MED15: variants seen among roughly 807,000 people sequenced by gnomAD.
MED15 encodes mediator of RNA polymerase II transcription subunit 15.
MED15 carries 41 observed loss-of-function variants against 118.7 expected under a neutral mutation model. The ratio of observed to expected loss-of-function variants is 0.35; its 90% CI spans 0.27 to 0.45. The LOEUF (loss-of-function observed/expected upper bound fraction) is 0.45, where lower values mean the gene tolerates loss of function less well. MED15 is among the 20% of genes least tolerant of loss of function. The pLI, the probability that MED15 is intolerant of heterozygous loss-of-function variation, is 1.00. For synonymous variants in MED15, 436 were observed against 413.9 expected (o/e 1.05, Z -0.65); for missense variants, 740 against 1,025.5 (o/e 0.72, Z 3.80).
chr22:20,566,395 A>G, intron 6 of MED15, 72 bp from the exon 7 acceptor site: 13 of 1,582,406 alleles, frequency 8.2e-6, no homozygotes, highest in South Asian at 8.0e-5. Context: ...TGAGGCCCAG[A>G]CTGTCACAGG....
intron 1 of MED15, among the ~76,000 whole-genome samples, chr22:20,530,458 A>G (rs1601490879): frequency 1.3e-5 from 2 of 152,114 alleles, no homozygotes; most frequent in South Asian, 4.1e-4. Context: ...CCAGGGAGGA[A>G]CGCACCTTCC....
intron 1 of MED15, among the ~76,000 whole-genome samples, chr22:20,529,090 C>T (rs79052816): frequency 0.036 from 5,541 of 152,234 alleles, 305 homozygotes; most frequent in African/African-American, 0.13. Context: ...TGTACGTTAC[C>T]ACTGGGCCAT....
At chr22:20,555,199 C>T (rs2055946712) in intron 5 of MED15, 51 bp downstream of exon 5, 5 of 1,473,120 alleles carry the variant, frequency 3.4e-6, no homozygotes, top group South Asian at 2.5e-5. Context: ...CAAACGACAA[C>T]ACATTTTATT....
At chr22:20,570,822 GT>G (rs1222775927) in intron 8 of MED15, among the ~76,000 whole-genome samples, 1 of 126,604 alleles carries the variant, frequency 7.9e-6, no homozygotes, top group East Asian at 2.8e-4. Flanking sequence ...CTGGAGTGCA[GT>G]GGTGCAATCT....
At chr22:20,514,841 G>T (rs1026045932) in intron 1 of MED15, among the ~76,000 whole-genome samples, 1 of 152,228 alleles carries the variant, frequency 6.6e-6, no homozygotes, top group Non-Finnish European at 1.5e-5. Context: ...CAGTGAGTCA[G>T]CCTTGGCGGA....
chr22:20,571,378 C>A (rs1656951164), intron 8 of MED15, among the ~76,000 whole-genome samples: 1 of 152,230 alleles, frequency 6.6e-6, no homozygotes, highest in Admixed American at 6.5e-5. Flanking sequence ...TGGTTCGTTG[C>A]TGAGTGAGTT....
intron 4 of MED15, among the ~76,000 whole-genome samples, chr22:20,553,920 T>C (rs1601564279): frequency 6.6e-6 from 1 of 152,214 alleles, no homozygotes; most frequent in African/African-American, 2.4e-5. Context: ...GTTTATCACA[T>C]GAGGGGAATT....
At chr22:20,515,767 AGAGT>A (rs1056575357) in intron 1 of MED15, among the ~76,000 whole-genome samples, 1 of 151,556 alleles carries the variant, frequency 6.6e-6, no homozygotes, top group African/African-American at 2.4e-5. Context: ...GCCTGGCGAC[AGAGT>A]GAGACTCAGT....
At chr22:20,577,810 T>C (rs2056865866) in intron 9 of MED15, among the ~76,000 whole-genome samples, 2 of 151,930 alleles carry the variant, frequency 1.3e-5, no homozygotes, top group Admixed American at 6.6e-5. Context: ...ATTTAGAAAG[T>C]ATTCCTCGTC....
intron 7 of MED15, among the ~76,000 whole-genome samples, chr22:20,567,131 G>A (rs1042390088): frequency 6.6e-6 from 1 of 152,186 alleles, no homozygotes; most frequent in African/African-American, 2.4e-5. Context: ...TGAGCACTTC[G>A]ACTGATGAGC....
At chr22:20,524,767 G>A (rs1213120890) in intron 1 of MED15, among the ~76,000 whole-genome samples, 1 of 152,144 alleles carries the variant, frequency 6.6e-6, no homozygotes, top group East Asian at 1.9e-4. Context: ...GCTTACAGGC[G>A]CCTGCCACCA....
At chr22:20,560,578 T>C (rs1227345208) in intron 5 of MED15, among the ~76,000 whole-genome samples, 1 of 152,064 alleles carries the variant, frequency 6.6e-6, no homozygotes, top group Non-Finnish European at 1.5e-5. Flanking sequence ...TTATTATTTA[T>C]AGAGCTAGGG....
rs764839452 is a variant in MED15, at chr22:20,568,982, C to CT, written c.1152+352dup. On this transcript the variant is annotated intron_variant, in intron 8 of 17. Transcript: ENST00000263205. The stretch of plus-strand genomic sequence containing the variant: ...CACCTCTCATCTTCCATTTGAGAGT[C>CT]TGAGTACAGAGCTGACCAGGGTGGA... Among the ~76,000 whole-genome samples, 32 of 152,270 alleles carry CT rather than the reference C, an allele frequency of 2.1e-4. No individual in the cohort carries two copies. The East Asian group carries it at 2.3e-3, about 11-fold the overall frequency.
In MED15 at chr22:20,570,746, C is replaced by CTTTTTTTTT. The variant is rs61109389; in HGVS notation, c.1152+2137_1152+2145dup. 9.3e-4 allele frequency among the ~76,000 whole-genome samples: 58 copies of CTTTTTTTTT among 62,108 alleles called. 2 individuals are homozygous for CTTTTTTTTT. The highest frequency in any genetic ancestry group is 1.5e-3 in the African/African-American group (21 of 13,692). The allele number at this position is 62,108 out of a possible 152,430, so 40.7% of individuals were successfully genotyped here. On this transcript the variant is annotated intron_variant, in intron 8 of 17. Coordinates refer to ENST00000263205, the MANE Select transcript of MED15 (RefSeq NM_001003891.3). ...TTTTCTTTTCTTTCTTTCTTTCTTT[C>CTTTTTTTTT]TTTTTTTTTTTTTTTTTTTTTTTTT... is the stretch of plus-strand genomic sequence containing the variant.
chr22:20,586,484 A>G (rs1009972473), intron 17 of MED15, 84 bp from the exon 18 acceptor site: 8 of 1,561,590 alleles, frequency 5.1e-6, no homozygotes, highest in South Asian at 4.8e-5. Context: ...GCCTGGGGCT[A>G]CCCCTTCCCA....
chr22:20,585,227 C>T lies in MED15; in HGVS notation c.2091C>T (p.His697=), dbSNP rs1288148224. ...TCCTGGTAAACCTGGACCCTTCTCACTGCAGCAACAATGGCACTGTCCACC... is the reference window on the plus strand; with the variant it reads ...TCCTGGTAAACCTGGACCCTTCTCATTGCAGCAACAATGGCACTGTCCACC... ...PKFLVNLDPS[H]CSNNGTVHLI... is the part of the protein sequence containing the mutation. The change falls in exon 16 of 18, where the codon CAC becomes CAT. Residue 697 remains histidine, a synonymous_variant. Transcript: ENST00000263205. The T allele has an allele frequency of 2.5e-6, 4 of 1,613,734 alleles. No homozygotes were observed. In the East Asian group the frequency reaches 6.7e-5, roughly 27 times the overall value.
At chr22:20,562,531 C>T (rs555542210) in intron 5 of MED15, among the ~76,000 whole-genome samples, 3 of 152,094 alleles carry the variant, frequency 2.0e-5, no homozygotes, top group African/African-American at 7.2e-5. Flanking sequence ...ATTACAGGCA[C>T]GTGCCACCAT....
chr22:20,514,053 A>G (rs2054170356), intron 1 of MED15, among the ~76,000 whole-genome samples: 1 of 152,056 alleles, frequency 6.6e-6, no homozygotes, highest in Admixed American at 6.6e-5. Context: ...TGTGTAAGAG[A>G]CAGGGTTTCA....
intron 5 of MED15, among the ~76,000 whole-genome samples, chr22:20,563,635 A>G (rs2056324151): frequency 6.6e-6 from 1 of 152,196 alleles, no homozygotes; most frequent in African/African-American, 2.4e-5. Context: ...AACTTAGTAC[A>G]CACACCCACA....
Sources: gnomAD v4.1 joint callset for allele counts (sites outside exome capture counted in the v4.1 genomes callset) on GRCh38, gnomAD v4.1.1 for gene constraint, MANE v1.5 for transcripts, NCBI Gene and HGNC (gene_info 2026-07-23, HGNC 2026-07-21) for gene names.